Variants in AIFM3 observed in about 807,000 individuals in gnomAD.
The protein encoded by AIFM3 is AIF family member 3.
AIFM3 carries 71 observed loss-of-function variants against 82.7 expected under a neutral mutation model. The ratio of observed to expected loss-of-function variants is 0.86; its 90% confidence interval spans 0.71 to 1.05. The LOEUF (loss-of-function observed/expected upper bound fraction) is 1.05. Among genes scored for constraint, AIFM3 ranks in the 50% least tolerant of loss-of-function variants. AIFM3 has a pLI of 0.00. For synonymous variants in AIFM3, 337 were observed against 329.1 expected, an observed-to-expected ratio of 1.02 and a Z score of -0.26; for missense variants, 748 against 816.7, an observed-to-expected ratio of 0.92 and a Z score of 1.03.
Position 20,981,200 on chromosome 22 carries a change from C to G in AIFM3, c.*169C>G. The G allele has an allele frequency of 2.3e-6, 2 of 864,418 alleles. No homozygotes were observed. The highest frequency in any genetic ancestry group is 4.9e-5 in the Admixed American group (2 of 40,852). The allele number at this position is 864,418 out of a possible 1,614,324, so 53.5% of individuals were successfully genotyped here. A position where few individuals can be genotyped will look rare whatever the true frequency, so the allele number is the denominator to read the frequency against. On this transcript the variant is annotated 3_prime_UTR_variant, in exon 21 of 21. Transcript: ENST00000440238. ...CCCTCCTGGGAGGCCTCTGCTGGAT[C>G]CAGAAGATGCTCAACCCTCAAGGCC...
intron 20 of AIFM3, 51 bp downstream of exon 20, chr22:20,980,818 A>G (rs1569151816): frequency 1.9e-6 from 3 of 1,610,822 alleles, no homozygotes; most frequent in Non-Finnish European, 2.5e-6. Flanking sequence ...ATGTCAGCCC[A>G]GACCCTCCAC....
rs916136106 is a variant in AIFM3, at chr22:20,968,131, G to A, written c.31+156G>A. Among the ~76,000 whole-genome samples, 23 of 152,230 alleles carry A rather than the reference G, an allele frequency of 1.5e-4. 1 individual carries two copies. The highest frequency in any genetic ancestry group is 2.2e-4 in the African/African-American group (9 of 41,460). Reference sequence around the variant, plus strand: ...ATGTTAATACGCTGCCGCCAGGAGGGGGTAGGGGGCCTGGAGCAGTTCCCC... The same window carrying A: ...ATGTTAATACGCTGCCGCCAGGAGGAGGTAGGGGGCCTGGAGCAGTTCCCC... On this transcript the variant is annotated intron_variant, in intron 2 of 20. Coordinates refer to ENST00000440238, the MANE Select transcript of AIFM3 (RefSeq NM_001386814.1).
chr22:20,973,296 C>G lies in AIFM3; in HGVS notation c.32-11C>G, dbSNP rs1407449945. The G allele has an allele frequency of 6.4e-7, 1 of 1,568,026 alleles. No individual in the cohort carries two copies. On this transcript the variant is annotated splice_polypyrimidine_tract_variant and intron_variant, in intron 2 of 20. Coordinates refer to ENST00000440238, the MANE Select transcript of AIFM3 (RefSeq NM_001386814.1). Reference sequence around the variant, plus strand: ...TGAGGTGGGGGGCTCAAGGCGCTGCCTTGCCCACAGTGGAGCTCAAGATCG... The same window carrying G: ...TGAGGTGGGGGGCTCAAGGCGCTGCGTTGCCCACAGTGGAGCTCAAGATCG...
At chr22:20,970,793 G>C (rs573842228) in intron 2 of AIFM3, among the ~76,000 whole-genome samples, 1 of 152,304 alleles carries the variant, frequency 6.6e-6, no homozygotes, top group African/African-American at 2.4e-5. Flanking sequence ...TGTAGAGACT[G>C]CATCTCACCC....
chr22:20,976,998 T>C (rs757446473), intron 13 of AIFM3, 34 bp from the exon 14 acceptor site: 37 of 1,614,060 alleles, frequency 2.3e-5, no homozygotes, highest in Non-Finnish European at 3.1e-5. Flanking sequence ...GCCTGGGAGC[T>C]GGGTCCACCT....
In AIFM3 at chr22:20,973,052, A is replaced by AAT. The variant is rs565386801; in HGVS notation, c.32-254_32-253insTA. Among the ~76,000 whole-genome samples, 693 of 151,658 alleles carry AAT rather than the reference A, an allele frequency of 4.6e-3. 9 individuals are homozygous for AAT. The highest frequency in any genetic ancestry group is 0.016 in the African/African-American group (656 of 41,434). On this transcript the variant is annotated intron_variant, in intron 2 of 20. Transcript: ENST00000440238. ...ACAGAGTGAGACCCTGTCTCAAAAA[A>AAT]AAAAAGAAAAAAGAGACATGCAGAA...
chr22:20,967,198 G>GA (rs1478144933), upstream of AIFM3: 5 of 152,312 alleles, frequency 3.3e-5, no homozygotes, highest in East Asian at 9.7e-4. Context: ...GGTGGAGGCT[G>GA]GGCCGCCTCC....
In AIFM3 at chr22:20,981,129, G is replaced by A. The variant is rs1303682765; in HGVS notation, c.*98G>A. 6.5e-7 allele frequency: 1 copy of A among 1,541,330 alleles called. No individual in the cohort carries two copies. Among genetic ancestry groups the A allele is most frequent in the Non-Finnish European group, 8.8e-7 (1 of 1,131,050 alleles). The stretch of plus-strand genomic sequence containing the variant: ...AATCTCCAGTCCCAGGATCCCCCAG[G>A]GCAGAACCTGAGCCCTCCCAGTGCT... On this transcript the variant is annotated 3_prime_UTR_variant, in exon 21 of 21. Coordinates refer to ENST00000440238, the MANE Select transcript of AIFM3 (RefSeq NM_001386814.1).
chr22:20,973,311 G>A lies in AIFM3; in HGVS notation c.36G>A (p.Glu12=). 6.3e-7 allele frequency: 1 copy of A among 1,581,594 alleles called. No homozygotes were observed. The highest frequency in any genetic ancestry group is 2.3e-5 in the East Asian group (1 of 42,992). ...AAGGCGCTGCCTTGCCCACAGTGGAGCTCAAGATCGAGGTGGTGCTGCCTG... is the reference window on the plus strand; with the variant it reads ...AAGGCGCTGCCTTGCCCACAGTGGAACTCAAGATCGAGGTGGTGCTGCCTG... The part of the protein sequence containing the change: ...GGCFSKPKPV[E]LKIEVVLPEK... The change falls in exon 3 of 21, where the codon GAG becomes GAA. Residue 12 remains glutamate, a synonymous_variant. Coordinates refer to ENST00000440238, the MANE Select transcript of AIFM3 (RefSeq NM_001386814.1).
At chr22:20,977,004 C>T (rs975977010) in intron 13 of AIFM3, 28 bp from the exon 14 acceptor site, 1 of 1,614,190 alleles carries the variant, frequency 6.2e-7, no homozygotes, top group African/African-American at 1.3e-5. Context: ...GAGCTGGGTC[C>T]ACCTGTTTAT....
intron 8 of AIFM3, among the ~76,000 whole-genome samples, chr22:20,975,168 T>C (rs1923562050): frequency 6.7e-6 from 1 of 150,174 alleles, no homozygotes; most frequent in Non-Finnish European, 1.5e-5. Context: ...GGTTTCACCA[T>C]GTTGCCCAGA....
chr22:20,979,552 G>A, intron 17 of AIFM3, 75 bp from the exon 18 acceptor site: 7 of 1,574,678 alleles, frequency 4.4e-6, no homozygotes, highest in Middle Eastern at 1.9e-4. Context: ...CCTGGGCGGG[G>A]TTAGGAGGGG....
intron 6 of AIFM3, 82 bp from the exon 7 acceptor site, chr22:20,974,443 G>T (rs1269955016): frequency 1.3e-6 from 2 of 1,561,488 alleles, no homozygotes; most frequent in Non-Finnish European, 1.7e-6. Flanking sequence ...GGATGAGGCT[G>T]GGCTGGAGCG....
Position 20,979,321 on chromosome 22 carries a change from G to C in AIFM3, c.1528G>C (p.Val510Leu), listed in dbSNP as rs766894095. The change falls in exon 17 of 21, where the codon GTG (valine) becomes CTG (leucine). Residue 510 changes from valine (V) to leucine (L), a missense_variant. Val to Leu is a conservative substitution (Grantham distance 32, BLOSUM62 1). This residue lies in a region of AIFM3 where 183 missense variants were observed against 158.2 expected (regional missense o/e 1.16). Coordinates refer to ENST00000440238, the MANE Select transcript of AIFM3 (RefSeq NM_001386814.1). ...MLAQEAEMSTVPYLWTAMFGK... is the reference protein window; with the variant it reads ...MLAQEAEMSTLPYLWTAMFGK... ...GGCGCAGGAGGCGGAGATGAGCACTGTGCCCTACCTCTGGACCGCCATGTT... is the reference window on the plus strand; with the variant it reads ...GGCGCAGGAGGCGGAGATGAGCACTCTGCCCTACCTCTGGACCGCCATGTT... The C allele has an allele frequency of 6.4e-7, 1 of 1,560,924 alleles. No individual in the cohort carries two copies. Among genetic ancestry groups the C allele is most frequent in the South Asian group, 1.2e-5 (1 of 84,776 alleles).
Position 20,974,810 on chromosome 22 carries a change from C to T in AIFM3, c.714C>T (p.Leu238=). 6.2e-7 allele frequency: 1 copy of T among 1,612,318 alleles called. No homozygotes were observed. The highest frequency in any genetic ancestry group is 1.1e-5 in the South Asian group (1 of 91,002). ...ACCTTCCCTACGACCGTCCCAAGCT[C>T]AGCAAGGTACAGGGGGTGGGGCAAG... ...DRHLPYDRPK[L]SKSLDTQPEQ... The change falls in exon 8 of 21, where the codon CTC becomes CTT. Residue 238 remains leucine (L), a synonymous_variant. Coordinates refer to ENST00000440238, the MANE Select transcript of AIFM3 (RefSeq NM_001386814.1).
In AIFM3 at chr22:20,976,837, C is replaced by T. The variant is rs371773561; in HGVS notation, c.1147-30C>T. 424 of 1,592,560 alleles carry T rather than the reference C, an allele frequency of 2.7e-4. 4 individuals are homozygous for T. In the South Asian group the frequency reaches 4.5e-3, roughly 17 times the overall value. The stretch of plus-strand genomic sequence containing the variant: ...CCCGGCCCCTGGCTGGGCTCTCATC[C>T]ACCGCCCACCTGCCCACTTGCCCTG... On this transcript the variant is annotated intron_variant, in intron 12 of 20. Coordinates refer to ENST00000440238, the MANE Select transcript of AIFM3 (RefSeq NM_001386814.1).
chr22:20,976,968 T>TTCTGTCC (rs1569149638), intron 13 of AIFM3, 30 bp downstream of exon 13: 1 of 1,613,950 alleles, frequency 6.2e-7, no homozygotes, highest in African/African-American at 1.3e-5. Context: ...CCCTGCTGCT[T>TTCTGTCC]TCTGTCCTCT....
chr22:20,966,285 A>T (rs5761569), upstream of AIFM3, among the ~76,000 whole-genome samples: 98,797 of 152,106 alleles, frequency 0.65, 32,575 homozygotes, highest in African/African-American at 0.76. Context: ...AGGAAGGGAC[A>T]GCCTAGTGCC....
chr22:20,974,887 G>C (rs1455575018), intron 8 of AIFM3, 71 bp downstream of exon 8: 3 of 1,521,990 alleles, frequency 2.0e-6, no homozygotes, highest in Admixed American at 1.8e-5. Context: ...AGCCTTGCTT[G>C]TCACCCCATT....
Sources: gnomAD v4.1 joint callset for allele counts (sites outside exome capture counted in the v4.1 genomes callset) on GRCh38, gnomAD v4.1.1 for gene constraint, gnomAD v4.1.1 regional missense constraint, MANE v1.5 for transcripts, NCBI Gene and HGNC (gene_info 2026-07-23, HGNC 2026-07-21) for gene names.